The following UGT1A5 variants were observed in gnomAD, a reference collection of about 807,000 sequenced individuals.
The protein encoded by UGT1A5 is UDP-glucuronosyltransferase 1A5.
Under a neutral mutation model 40.3 loss-of-function variants are expected in UGT1A5, and 29 were observed. That is an observed-to-expected ratio of 0.72 (90% confidence interval 0.54 to 0.98). The LOEUF is 0.98. Ranked by LOEUF, UGT1A5 falls within the 50% of genes least tolerant of loss-of-function variation. The pLI is 0.00. For missense variants in UGT1A5, 678 were observed against 677.9 expected, an observed-to-expected ratio of 1.00 and a Z score of 0.00; for synonymous variants, 257 against 262.5, an observed-to-expected ratio of 0.98 and a Z score of 0.20.
intron 1 of UGT1A5, among the ~76,000 whole-genome samples, chr2:233,750,128 G>A (rs1357269719): frequency 6.6e-6 from 1 of 151,932 alleles, no homozygotes; most frequent in Non-Finnish European, 1.5e-5. Flanking sequence ...ATGTGGGAAA[G>A]TTTGGAACTT....
rs545970311 is a variant in UGT1A5, at chr2:233,731,854, C to T, written c.867+17996C>T. On this transcript the variant is annotated intron_variant, in intron 1 of 4. Coordinates refer to ENST00000373414, the MANE Select transcript of UGT1A5 (RefSeq NM_019078.2). The stretch of plus-strand genomic sequence containing the variant: ...TTCTAGTTCTAGGTCCTTGAGGAAT[C>T]GCCACACTGTCTTCCACAATGGTTG... 1.3e-4 allele frequency among the ~76,000 whole-genome samples: 20 copies of T among 152,300 alleles called. No individual in the cohort carries two copies. The East Asian group carries it at 2.7e-3, about 21-fold the overall frequency.
At chr2:233,735,872 G>A (rs1314533195) in intron 1 of UGT1A5, among the ~76,000 whole-genome samples, 1 of 152,196 alleles carries the variant, frequency 6.6e-6, no homozygotes, top group African/African-American at 2.4e-5. Context: ...TTTCTGCAGA[G>A]AGATCTGCTG....
At chr2:233,718,827 A>T (rs1411325211) in intron 1 of UGT1A5, 1 of 1,613,418 alleles carries the variant, frequency 6.2e-7, no homozygotes, top group Non-Finnish European at 8.5e-7. Context: ...TGAGATGGCC[A>T]GAGGACTCCA....
At chr2:233,716,140 C>CT (rs1193699250) in intron 1 of UGT1A5, among the ~76,000 whole-genome samples, 1 of 152,160 alleles carries the variant, frequency 6.6e-6, no homozygotes, top group African/African-American at 2.4e-5. Flanking sequence ...TTCCATGGCC[C>CT]TTTTCCATTT....
chr2:233,726,535 C>T (rs1400370552), intron 1 of UGT1A5, among the ~76,000 whole-genome samples: 1 of 152,142 alleles, frequency 6.6e-6, no homozygotes, highest in Admixed American at 6.6e-5. Flanking sequence ...TAGGGAGATG[C>T]AGTGCAGCGT....
At chr2:233,725,198 A>AGAGGCAGAGGCAGAGGCAGAG (rs1377722142) in intron 1 of UGT1A5, among the ~76,000 whole-genome samples, 1 of 86,634 alleles carries the variant, frequency 1.2e-5, no homozygotes, top group Non-Finnish European at 2.0e-5. Context: ...AGGCAGAGGC[A>AGAGGCAGAGGCAGAGGCAGAG]GAGGCAGAGG....
At chr2:233,718,557 G>A (rs1043661676) in intron 1 of UGT1A5, among the ~76,000 whole-genome samples, 1 of 152,220 alleles carries the variant, frequency 6.6e-6, no homozygotes, top group Non-Finnish European at 1.5e-5. Context: ...AGAAAGAAGA[G>A]CTTGAACTTG....
intron 1 of UGT1A5, among the ~76,000 whole-genome samples, chr2:233,737,437 T>C (rs980239131): frequency 1.1e-4 from 16 of 152,146 alleles, no homozygotes; most frequent in Admixed American, 3.3e-4. Flanking sequence ...GGTGGGAGTG[T>C]CCCGTTTTTC....
At position 233,712,907 on chromosome 2, in the gene UGT1A5, A is replaced by C; in HGVS notation, c.-85A>C. On this transcript the variant is annotated 5_prime_UTR_variant, in exon 1 of 5. Transcript: ENST00000373414. ...TACATGTTGATTTGCTAGGTGTCTC[A>C]GTGACAAGGTAATTAAGACGAAGGA... The C allele has an allele frequency of 6.2e-7, 1 of 1,610,566 alleles. No individual in the cohort carries two copies. Among genetic ancestry groups the C allele is most frequent in the Non-Finnish European group, 8.5e-7 (1 of 1,179,322 alleles).
intron 1 of UGT1A5, among the ~76,000 whole-genome samples, chr2:233,736,326 T>A (rs2078751393): frequency 6.6e-6 from 1 of 152,232 alleles, no homozygotes; most frequent in South Asian, 2.1e-4. Flanking sequence ...TGTGCATGTG[T>A]TATGAAGTTC....
intron 1 of UGT1A5, among the ~76,000 whole-genome samples, chr2:233,750,094 GAGAGCTC>G (rs2125902484): frequency 6.6e-6 from 1 of 152,024 alleles, no homozygotes; most frequent in South Asian, 2.1e-4. Context: ...GAACAGTTTG[GAGAGCTC>G]AGAAGAAGAC....
At chr2:233,755,130 T>C (rs191550208) in intron 1 of UGT1A5, 4 of 1,321,300 alleles carry the variant, frequency 3.0e-6, no homozygotes, top group African/African-American at 1.5e-5. Flanking sequence ...AGCCACCTGC[T>C]TGAATCTTCT....
intron 1 of UGT1A5, chr2:233,755,047 C>T (rs1236246701): frequency 7.5e-7 from 1 of 1,329,234 alleles, no homozygotes; most frequent in Non-Finnish European, 1.0e-6. Context: ...GCGCAGCCGC[C>T]CTCCGCCCTC....
chr2:233,756,814 A>G (rs985210538), intron 1 of UGT1A5, among the ~76,000 whole-genome samples: 39 of 152,110 alleles, frequency 2.6e-4, no homozygotes, highest in Admixed American at 5.2e-4. Flanking sequence ...AGGTCACTCA[A>G]TTCCAAGGGG....
At chr2:233,766,761 T>G (rs1575822555) in intron 1 of UGT1A5, among the ~76,000 whole-genome samples, 1 of 152,230 alleles carries the variant, frequency 6.6e-6, no homozygotes, top group African/African-American at 2.4e-5. Context: ...TGTGTGTGCA[T>G]GTACCTGTGC....
chr2:233,767,223 A>G (rs1699340574), intron 2 of UGT1A5, 58 bp downstream of exon 2: 3 of 1,610,856 alleles, frequency 1.9e-6, no homozygotes, highest in South Asian at 1.1e-5. Flanking sequence ...CTAATCCCAG[A>G]CTTCCAGCTT....
intron 1 of UGT1A5, among the ~76,000 whole-genome samples, chr2:233,749,453 C>A (rs1313864160): frequency 6.6e-6 from 1 of 151,804 alleles, no homozygotes; most frequent in Non-Finnish European, 1.5e-5. Flanking sequence ...TGGAGCAGAA[C>A]GAATTGGGAA....
rs116287140 is a variant in UGT1A5, at chr2:233,728,043, T to C, written c.867+14185T>C. 7.7e-3 allele frequency among the ~76,000 whole-genome samples: 1,172 copies of C among 152,330 alleles called. 16 individuals are homozygous for C. The highest frequency in any genetic ancestry group is 0.027 in the African/African-American group (1,131 of 41,566). On this transcript the variant is annotated intron_variant, in intron 1 of 4. Transcript: ENST00000373414. ...GTGACTTTCTGGAGTAGGATAAGCC[T>C]CATTGGGCTTGAGGCCCTTGTGAGT...
chr2:233,748,384 T>G (rs546137113), intron 1 of UGT1A5, among the ~76,000 whole-genome samples: 6 of 151,768 alleles, frequency 4.0e-5, no homozygotes, highest in Admixed American at 6.6e-5. Flanking sequence ...ATGTCCTTCA[T>G]TGGGAAGGAG....
Sources: allele counts gnomAD v4.1 joint callset (sites outside exome capture counted in the v4.1 genomes callset), GRCh38; gene constraint gnomAD v4.1.1; transcripts MANE v1.5; gene names NCBI Gene and HGNC (gene_info 2026-07-23, HGNC 2026-07-21).